Variants in SRRM3 observed in about 807,000 individuals in gnomAD.
SRRM3 encodes the protein serine/arginine repetitive matrix 3, also known as serine/arginine repetitive matrix protein 3.
SRRM3 carries 27 observed loss-of-function variants against 66.2 expected under a neutral mutation model. The ratio of observed to expected loss-of-function variants is 0.41; its 90% CI spans 0.30 to 0.56. The LOEUF (loss-of-function observed/expected upper bound fraction) is 0.56, where lower values mean the gene tolerates loss of function less well. Among genes scored for constraint, SRRM3 ranks in the 20% least tolerant of loss-of-function variants. SRRM3 has a pLI of 0.32. For synonymous variants in SRRM3, 391 were observed against 414.9 expected, an observed-to-expected ratio of 0.94 and a Z score of 0.70; for missense variants, 918 against 991.9, an observed-to-expected ratio of 0.93 and a Z score of 1.00.
intron 2 of SRRM3, among the ~76,000 whole-genome samples, chr7:76,241,700 T>C (rs79446048): frequency 0.079 from 11,989 of 151,846 alleles, 1,135 homozygotes; most frequent in African/African-American, 0.22. Context: ...CACAAGGTTT[T>C]ATCATGTTTG....
chr7:76,215,793 A>AAT (rs1800553522), intron 1 of SRRM3, among the ~76,000 whole-genome samples: 1 of 96,834 alleles, frequency 1.0e-5, no homozygotes, highest in African/African-American at 5.0e-5. Context: ...CACCTGGCTA[A>AAT]TTTTTTTTTT....
At chr7:76,204,062 G>T (rs946098781) in intron 1 of SRRM3, among the ~76,000 whole-genome samples, 3 of 152,108 alleles carry the variant, frequency 2.0e-5, no homozygotes, top group Non-Finnish European at 4.4e-5. Context: ...CACCCGTTCT[G>T]CACCTCCTCT....
intron 14 of SRRM3, among the ~76,000 whole-genome samples, chr7:76,284,003 C>A (rs1802597824): frequency 6.6e-6 from 1 of 152,094 alleles, no homozygotes; most frequent in Non-Finnish European, 1.5e-5. Flanking sequence ...CACATCTGTA[C>A]AATAACCAGG....
At position 76,257,395 on chromosome 7, in the gene SRRM3, C is replaced by T. The variant is rs545232772; in HGVS notation, c.336-2511C>T. On this transcript the variant is annotated intron_variant, in intron 3 of 14. Coordinates refer to ENST00000611745, the MANE Select transcript of SRRM3 (RefSeq NM_001110199.3). ...GATAAAAAATGGAAGGTCGGGGCCA[C>T]CCCCCTAGAGACAGGTCTCTGGAGG... Among the ~76,000 whole-genome samples, 10 of 148,898 alleles carry T rather than the reference C, an allele frequency of 6.7e-5. No individual in the cohort carries two copies. In the South Asian group the frequency reaches 2.1e-3, roughly 32 times the overall value.
In SRRM3 at chr7:76,260,191, G is replaced by A. The variant is rs782206897; in HGVS notation, c.539G>A (p.Arg180Lys). The A allele has an allele frequency of 1.3e-6, 2 of 1,540,398 alleles. No individual in the cohort carries two copies. The highest frequency in any genetic ancestry group is 8.7e-7 in the Non-Finnish European group (1 of 1,144,224). ...KKKKKKGGHR[R>K]SRKKRRLESE... ...AAGAAAAAGAAAGGCGGCCACCGGA[G>A]AAGCCGGTGAGAACCGCGCCTGACC... is the stretch of plus-strand genomic sequence containing the variant. Residue 180 changes from arginine (R) to lysine (K), a missense_variant, in exon 5 of 15, where the codon AGA (arginine) becomes AAA (lysine). Coordinates refer to ENST00000611745, the MANE Select transcript of SRRM3 (RefSeq NM_001110199.3).
chr7:76,256,694 G>C (rs982017295), intron 3 of SRRM3, among the ~76,000 whole-genome samples: 71 of 151,250 alleles, frequency 4.7e-4, no homozygotes, highest in African/African-American at 1.6e-3. Context: ...TGGTTTTGGT[G>C]GGTTTTGGCC....
At chr7:76,206,692 G>A (rs1554601180) in intron 1 of SRRM3, among the ~76,000 whole-genome samples, 1 of 152,202 alleles carries the variant, frequency 6.6e-6, no homozygotes, top group African/African-American at 2.4e-5. Flanking sequence ...ACAGGCCCCT[G>A]GGGCCATGTG....
chr7:76,234,469 CAG>C (rs1228645821), intron 1 of SRRM3, among the ~76,000 whole-genome samples: 1 of 152,144 alleles, frequency 6.6e-6, no homozygotes, highest in Non-Finnish European at 1.5e-5. Flanking sequence ...CCAGATCAAA[CAG>C]AGAGCTAAAA....
intron 3 of SRRM3, among the ~76,000 whole-genome samples, chr7:76,259,316 A>G (rs904763769): frequency 4.6e-5 from 7 of 152,050 alleles, no homozygotes; most frequent in Non-Finnish European, 8.8e-5. Flanking sequence ...AGGGTGGCTC[A>G]TGCCTGGAAT....
At position 76,285,706 on chromosome 7, in the gene SRRM3, C is replaced by A; in HGVS notation, c.1825C>A (p.Arg609Ser). Reference protein sequence around the residue: ...SSDYSTRSHSRSPSPGHSHGS... With the variant: ...SSDYSTRSHSSSPSPGHSHGS... ...CGACTACTCGACCCGGAGCCACAGCCGCAGCCCCAGCCCCGGCCACAGCCA... is the reference window on the plus strand; with the variant it reads ...CGACTACTCGACCCGGAGCCACAGCAGCAGCCCCAGCCCCGGCCACAGCCA... Residue 609 changes from arginine to serine, a missense_variant, in exon 15 of 15, where the codon CGC (arginine) becomes AGC (serine). Transcript: ENST00000611745. This position sits in a 1 kb window ranked among gnomAD's most constrained non-coding sequence, Gnocchi z 4.1. The A allele has an allele frequency of 6.4e-7, 1 of 1,550,950 alleles. No homozygotes were observed. Among genetic ancestry groups the A allele is most frequent in the Non-Finnish European group, 8.7e-7 (1 of 1,146,916 alleles).
chr7:76,209,602 GA>G (rs1432309310), intron 1 of SRRM3, among the ~76,000 whole-genome samples: 1 of 139,422 alleles, frequency 7.2e-6, no homozygotes, highest in Non-Finnish European at 1.5e-5. Context: ...TGAAGAGTTG[GA>G]ATTTTTTTTT....
rs554068126 is a variant in SRRM3, at chr7:76,220,639, A to G, written c.-39-14389A>G. Reference sequence around the variant, plus strand: ...GAAAGGGTCAGCCCGAGTCCTGCCCAGGCATGGCTGGACCCAGCCCTAGAC... The same window carrying G: ...GAAAGGGTCAGCCCGAGTCCTGCCCGGGCATGGCTGGACCCAGCCCTAGAC... On this transcript the variant is annotated intron_variant, in intron 1 of 14. Coordinates refer to ENST00000611745, the MANE Select transcript of SRRM3 (RefSeq NM_001110199.3). 4.6e-5 allele frequency among the ~76,000 whole-genome samples: 7 copies of G among 152,186 alleles called. No homozygotes were observed. In the South Asian group the frequency reaches 1.2e-3, roughly 27 times the overall value.
At chr7:76,239,016 C>G (rs955563231) in intron 2 of SRRM3, among the ~76,000 whole-genome samples, 12 of 152,002 alleles carry the variant, frequency 7.9e-5, no homozygotes, top group Non-Finnish European at 1.8e-4. Context: ...AGCTCCATCC[C>G]TAGCTAGTCT....
intron 3 of SRRM3, among the ~76,000 whole-genome samples, chr7:76,254,089 C>T (rs1489520567): frequency 6.6e-6 from 1 of 152,044 alleles, no homozygotes; most frequent in Non-Finnish European, 1.5e-5. Context: ...AATCACAGCT[C>T]ATTGCTGCCT....
In SRRM3 at chr7:76,281,777, C is replaced by A; in HGVS notation, c.1345C>A (p.Arg449=). ...CCCCGGGCCCGAGCCCGGCTCTGAG[C>A]GAGGCCACGGCGGACACGGGAAACG... ...PGPGPEPGSE[R]GHGGHGKRAK... Residue 449 remains arginine, a synonymous_variant, in exon 12 of 15, where the codon CGA becomes AGA. Coordinates refer to ENST00000611745, the MANE Select transcript of SRRM3 (RefSeq NM_001110199.3). The A allele has an allele frequency of 7.2e-7, 1 of 1,388,140 alleles. No homozygotes were observed. The highest frequency in any genetic ancestry group is 9.3e-7 in the Non-Finnish European group (1 of 1,070,270). 86.0% of individuals were successfully genotyped at this position (1,388,140 alleles called of 1,614,324 possible). A position where few individuals can be genotyped will look rare whatever the true frequency, so the allele number is the denominator to read the frequency against.
intron 8 of SRRM3, among the ~76,000 whole-genome samples, chr7:76,263,875 G>GCCA (rs1243393227): frequency 1.1e-4 from 3 of 26,754 alleles, no homozygotes; most frequent in African/African-American, 2.9e-4. Context: ...TCTGTCTCAA[G>GCCA]ACAAAAAAAA....
chr7:76,278,832 A>G (rs1206738239), intron 11 of SRRM3, among the ~76,000 whole-genome samples: 4 of 152,230 alleles, frequency 2.6e-5, no homozygotes, highest in African/African-American at 9.6e-5. Context: ...CTGCAGGGAA[A>G]GGCTTGGACA....
intron 3 of SRRM3, among the ~76,000 whole-genome samples, chr7:76,257,389 G>C (rs1293693316): frequency 1.3e-5 from 2 of 149,958 alleles, no homozygotes; most frequent in African/African-American, 4.9e-5. Flanking sequence ...TGGAAGGTCG[G>C]GGCCACCCCC....
chr7:76,263,078 C>T (rs1801922346), intron 8 of SRRM3, among the ~76,000 whole-genome samples: 1 of 152,138 alleles, frequency 6.6e-6, no homozygotes. Context: ...TTCATCTTCC[C>T]CTGGCCTCCC....
Sources: gnomAD v4.1 joint callset for allele counts (sites outside exome capture counted in the v4.1 genomes callset) on GRCh38, gnomAD v4.1.1 for gene constraint, Gnocchi (gnomAD v3.1) non-coding constraint, MANE v1.5 for transcripts, NCBI Gene and HGNC (gene_info 2026-07-23, HGNC 2026-07-21) for gene names.